CAPN9: variants seen among roughly 807,000 people sequenced by gnomAD.
CAPN9 encodes the protein calpain-9.
Under a neutral mutation model 92.8 loss-of-function variants are expected in CAPN9, and 81 were observed. The observed-to-expected ratio is 0.87, with a 90% CI of 0.73 to 1.05. The LOEUF (loss-of-function observed/expected upper bound fraction) is 1.05, where lower values mean the gene tolerates loss of function less well. CAPN9 is among the 50% of genes least tolerant of loss of function. The pLI is 0.00. For missense variants in CAPN9, 848 were observed against 866.2 expected (o/e 0.98, Z 0.26); for synonymous variants, 304 against 328.0 (o/e 0.93, Z 0.79).
At position 230,792,385 on chromosome 1, in the gene CAPN9, T is replaced by C. The variant is rs1311949560; in HGVS notation, c.1723-41T>C. The C allele has an allele frequency of 3.8e-6, 6 of 1,580,396 alleles. No individual in the cohort carries two copies. In the South Asian group the frequency reaches 4.4e-5, roughly 12 times the overall value. Reference sequence around the variant, plus strand: ...CTGAGGTCCCACGAGGAGCCTCAGGTTGAAACACTGCTCATGTCTCCCTTA... The same window carrying C: ...CTGAGGTCCCACGAGGAGCCTCAGGCTGAAACACTGCTCATGTCTCCCTTA... On this transcript the variant is annotated intron_variant, in intron 15 of 19. Coordinates refer to ENST00000271971, the MANE Select transcript of CAPN9 (RefSeq NM_006615.3).
chr1:230,794,114 GA>G, intron 17 of CAPN9, among the ~76,000 whole-genome samples: 1 of 152,222 alleles, frequency 6.6e-6, no homozygotes, highest in Middle Eastern at 3.4e-3. Context: ...ACAATCCTGT[GA>G]ACACCTCCTA....
intron 8 of CAPN9, among the ~76,000 whole-genome samples, chr1:230,777,622 G>T (rs929994940): frequency 4.6e-5 from 7 of 151,722 alleles, no homozygotes; most frequent in African/African-American, 1.5e-4. Flanking sequence ...CAGCAAGCCC[G>T]CCAGTTCCTC....
At chr1:230,797,575 A>G (rs12139481) in intron 18 of CAPN9, among the ~76,000 whole-genome samples, 2 of 151,992 alleles carry the variant, frequency 1.3e-5, no homozygotes, top group Non-Finnish European at 2.9e-5. Context: ...AAGCTACCCG[A>G]GAGATTCTCA....
At position 230,762,552 on chromosome 1, in the gene CAPN9, G is replaced by T. The variant is rs2102853853; in HGVS notation, c.403-101G>T. Reference sequence around the variant, plus strand: ...TTTCAAAGCTGTCTATGGGTAGCTTGGTCAGAGGGGAAAAAAGCAACAGGA... The same window carrying T: ...TTTCAAAGCTGTCTATGGGTAGCTTTGTCAGAGGGGAAAAAAGCAACAGGA... On this transcript the variant is annotated intron_variant, in intron 3 of 19. Coordinates refer to ENST00000271971, the MANE Select transcript of CAPN9 (RefSeq NM_006615.3). 5 of 1,386,770 alleles carry T rather than the reference G, an allele frequency of 3.6e-6. No homozygotes were observed. The East Asian group carries it at 1.2e-4, about 32-fold the overall frequency. The allele number at this position is 1,386,770 out of a possible 1,614,324, so 85.9% of individuals were successfully genotyped here. A position where few individuals can be genotyped will look rare whatever the true frequency, so the allele number is the denominator to read the frequency against.
chr1:230,801,186 A>G (rs755845960), intron 19 of CAPN9, among the ~76,000 whole-genome samples: 6 of 152,094 alleles, frequency 3.9e-5, no homozygotes, highest in Non-Finnish European at 8.8e-5. Context: ...CAGCCCCTCC[A>G]GGGTGGAGGG....
intron 6 of CAPN9, among the ~76,000 whole-genome samples, chr1:230,771,127 C>T (rs1372919944): frequency 1.3e-5 from 2 of 152,204 alleles, no homozygotes; most frequent in Admixed American, 1.3e-4. Flanking sequence ...CCTCTCCCCC[C>T]TACAAGGAAC....
At chr1:230,790,805 G>A (rs1008179918) in intron 14 of CAPN9, among the ~76,000 whole-genome samples, 2 of 152,074 alleles carry the variant, frequency 1.3e-5, no homozygotes, top group Non-Finnish European at 2.9e-5. Flanking sequence ...CACACAATCA[G>A]CCAGGTGTGG....
intron 15 of CAPN9, 78 bp downstream of exon 15, chr1:230,792,006 A>G (rs755739085): frequency 1.0e-6 from 1 of 994,660 alleles, no homozygotes; most frequent in Non-Finnish European, 1.6e-6. Context: ...TCAATAGTGC[A>G]GACTCTCCAA....
intron 12 of CAPN9, among the ~76,000 whole-genome samples, chr1:230,786,556 C>T (rs1331352972): frequency 6.6e-6 from 1 of 152,108 alleles, no homozygotes. Context: ...TGTATGGTTG[C>T]GAGGGCCTCT....
intron 16 of CAPN9, 54 bp from the exon 17 acceptor site, chr1:230,792,796 A>G: frequency 6.8e-7 from 1 of 1,467,450 alleles, no homozygotes; most frequent in Non-Finnish European, 9.5e-7. Flanking sequence ...TACTGCCATC[A>G]GCGATGCCTT....
At position 230,753,826 on chromosome 1, in the gene CAPN9, A is replaced by T. The variant is rs2354846; in HGVS notation, c.214-1511A>T. ...ACAGGATTGGCTGTTACCTCTCCCG[A>T]GACCGGCCCGGCTTCCTCCCTCCCT... On this transcript the variant is annotated intron_variant, in intron 1 of 19. Transcript: ENST00000271971. Among the ~76,000 whole-genome samples, 34 of 148,932 alleles carry T rather than the reference A, an allele frequency of 2.3e-4. 2 individuals are homozygous for T. Among genetic ancestry groups the T allele is most frequent in the Admixed American group, 4.0e-4 (6 of 14,890 alleles).
At chr1:230,752,988 C>T (rs1458554374) in intron 1 of CAPN9, among the ~76,000 whole-genome samples, 2 of 152,146 alleles carry the variant, frequency 1.3e-5, no homozygotes, top group Non-Finnish European at 2.9e-5. Context: ...TTGCATTGTC[C>T]TTCTGGGCTC....
At chr1:230,784,346 A>G (rs1667432186) in intron 11 of CAPN9, among the ~76,000 whole-genome samples, 1 of 152,216 alleles carries the variant, frequency 6.6e-6, no homozygotes, top group Non-Finnish European at 1.5e-5. Context: ...AACCAAGACA[A>G]TGGGGAAAAG....
At position 230,767,523 on chromosome 1, in the gene CAPN9, C is replaced by A. The variant is rs777474196; in HGVS notation, c.537-18C>A. 8 of 1,596,498 alleles carry A rather than the reference C, an allele frequency of 5.0e-6. No individual in the cohort carries two copies. Among genetic ancestry groups the A allele is most frequent in the Non-Finnish European group, 6.8e-6 (8 of 1,172,450 alleles). On this transcript the variant is annotated intron_variant, in intron 4 of 19. Transcript: ENST00000271971. ...CTAGGTCCCTGACTCTCTCCTCTCT[C>A]TCTTGCCACCCTTGCAGGCTAAATG...
chr1:230,764,207 C>T (rs1488558472), intron 4 of CAPN9, among the ~76,000 whole-genome samples: 1 of 152,174 alleles, frequency 6.6e-6, no homozygotes, highest in Non-Finnish European at 1.5e-5. Flanking sequence ...GCTTTTGAAT[C>T]AGTAGACTGA....
At position 230,759,512 on chromosome 1, in the gene CAPN9, G is replaced by C. The variant is rs777274221; in HGVS notation, c.284G>C (p.Gly95Ala). ...TRTDICQGEL[G>A]DCWLLAAIAS... ...GTGATTTATGGCTTCCATTTTGCAG[G>C]AGACTGCTGGCTATTAGCCGCCATC... Residue 95 changes from glycine (G) to alanine (A), a missense_variant and splice_region_variant, in exon 3 of 20, where the codon GGA (glycine) becomes GCA (alanine). By Grantham distance (60) the Gly-to-Ala change is moderately conservative. Transcript: ENST00000271971. 8 of 1,596,042 alleles carry C rather than the reference G, an allele frequency of 5.0e-6. No individual in the cohort carries two copies. The highest frequency in any genetic ancestry group is 6.8e-6 in the Non-Finnish European group (8 of 1,172,988).
At chr1:230,797,992 G>GCCCGCCCTTGATGAGAGTCCCATC (rs1668459963) in intron 18 of CAPN9, among the ~76,000 whole-genome samples, 170 bp from the exon 19 acceptor site, 1 of 152,170 alleles carries the variant, frequency 6.6e-6, no homozygotes, top group African/African-American at 2.4e-5. Context: ...TTCACCTTCA[G>GCCCGCCCTTGATGAGAGTCCCATC]CCCGCCCTTG....
chr1:230,780,467 C>G lies in CAPN9; in HGVS notation c.1273-33C>G, dbSNP rs565750642. 6.8e-5 allele frequency: 110 copies of G among 1,608,468 alleles called. No homozygotes were observed. The South Asian group carries it at 1.1e-3, about 16-fold the overall frequency. ...GTCCGAAAAGCCAAGAGGAACTTCC[C>G]TAGGAAACCCCTCCCTTTCTTGCCC... On this transcript the variant is annotated intron_variant, in intron 10 of 19. Transcript: ENST00000271971.
intron 4 of CAPN9, among the ~76,000 whole-genome samples, chr1:230,765,260 A>ACACAG (rs1665909859): frequency 9.8e-6 from 1 of 102,244 alleles, no homozygotes; most frequent in African/African-American, 4.3e-5. Context: ...CACACACACA[A>ACACAG]ATGAGGTTAT....
Sources: allele counts gnomAD v4.1 joint callset (sites outside exome capture counted in the v4.1 genomes callset), GRCh38; gene constraint gnomAD v4.1.1; transcripts MANE v1.5; gene names NCBI Gene and HGNC (gene_info 2026-07-23, HGNC 2026-07-21).